DGKI: variants seen among roughly 807,000 people sequenced by gnomAD.
The protein encoded by DGKI is diacylglycerol kinase iota.
In DGKI, 55 loss-of-function variants were observed where a neutral mutation model predicts 147.5. The observed-to-expected ratio is 0.37, with a 90% CI of 0.30 to 0.47. The LOEUF (loss-of-function observed/expected upper bound fraction) is 0.47. Among genes scored for constraint, DGKI ranks in the 20% least tolerant of loss-of-function variants. DGKI has a pLI of 1.00. For synonymous variants in DGKI, 469 were observed against 477.1 expected, an observed-to-expected ratio of 0.98 and a Z score of 0.22; for missense variants, 1,007 against 1,323.8, an observed-to-expected ratio of 0.76 and a Z score of 3.71.
At chr7:137,811,384 T>TCTCTCA (rs1380704608) in intron 1 of DGKI, among the ~76,000 whole-genome samples, 86 of 132,204 alleles carry the variant, frequency 6.5e-4, no homozygotes, top group Non-Finnish European at 1.2e-3. Flanking sequence ...TCTCTCTCTC[T>TCTCTCA]CACACACACA....
chr7:137,514,238 T>TA (rs1231600652), intron 21 of DGKI, among the ~76,000 whole-genome samples: 5 of 151,974 alleles, frequency 3.3e-5, no homozygotes, highest in African/African-American at 7.2e-5. Context: ...GCTGAAGAAT[T>TA]AAAAAAAATA....
At chr7:137,566,889 T>C (rs1006626534) in intron 19 of DGKI, among the ~76,000 whole-genome samples, 2 of 108,100 alleles carry the variant, frequency 1.9e-5, no homozygotes, top group African/African-American at 1.3e-4. Context: ...TGTATTTCTT[T>C]TGAGATATTC....
intron 30 of DGKI, among the ~76,000 whole-genome samples, chr7:137,404,933 T>G (rs1250162860): frequency 6.6e-6 from 1 of 152,174 alleles, no homozygotes; most frequent in Non-Finnish European, 1.5e-5. Context: ...GATGAATTGA[T>G]GCCAGGCAAA....
chr7:137,601,240 C>T (rs1046835708), intron 10 of DGKI, among the ~76,000 whole-genome samples: 9 of 151,420 alleles, frequency 5.9e-5, no homozygotes, highest in Non-Finnish European at 1.2e-4. Context: ...CACTACACTT[C>T]GGCCTGGGTG....
At chr7:137,420,677 T>A (rs559520123) in intron 28 of DGKI, among the ~76,000 whole-genome samples, 1 of 152,218 alleles carries the variant, frequency 6.6e-6, no homozygotes, top group East Asian at 1.9e-4. Context: ...CTTGTTAGAT[T>A]GAATTAAAAA....
intron 6 of DGKI, among the ~76,000 whole-genome samples, chr7:137,638,225 T>C (rs974296463): frequency 1.3e-5 from 2 of 151,992 alleles, no homozygotes; most frequent in Non-Finnish European, 2.9e-5. Flanking sequence ...ACTCATTTGC[T>C]GGTGGCTCTC....
At chr7:137,543,209 T>C (rs1323900124) in intron 20 of DGKI, among the ~76,000 whole-genome samples, 1 of 152,196 alleles carries the variant, frequency 6.6e-6, no homozygotes, top group Non-Finnish European at 1.5e-5. Flanking sequence ...ACATGTGTCT[T>C]CCAATGAGGA....
intron 1 of DGKI, among the ~76,000 whole-genome samples, chr7:137,740,761 A>G (rs1795152009): frequency 6.6e-6 from 1 of 152,246 alleles, no homozygotes; most frequent in African/African-American, 2.4e-5. Flanking sequence ...AATGCTCAGC[A>G]CATGACTATA....
chr7:137,778,604 A>G (rs1298821710), intron 1 of DGKI, among the ~76,000 whole-genome samples: 1 of 152,184 alleles, frequency 6.6e-6, no homozygotes, highest in African/African-American at 2.4e-5. Context: ...CAATTAAAAA[A>G]AAAAACTACT....
chr7:137,504,493 T>C (rs1017530287), intron 21 of DGKI, among the ~76,000 whole-genome samples: 1 of 152,170 alleles, frequency 6.6e-6, no homozygotes, highest in Admixed American at 6.6e-5. Context: ...GTTATCACCT[T>C]CTGAAAAGAA....
chr7:137,621,081 T>A (rs775320750), intron 7 of DGKI, among the ~76,000 whole-genome samples: 4 of 152,220 alleles, frequency 2.6e-5, no homozygotes, highest in Non-Finnish European at 5.9e-5. Flanking sequence ...TAGAGAGGTT[T>A]TTGTTTTCAT....
At chr7:137,632,123 T>C (rs1211376435) in intron 6 of DGKI, among the ~76,000 whole-genome samples, 2 of 152,208 alleles carry the variant, frequency 1.3e-5, no homozygotes, top group Non-Finnish European at 2.9e-5. Flanking sequence ...GGACTTGACC[T>C]AGAGAGCTAT....
chr7:137,570,666 A>G (rs1430672187), intron 19 of DGKI, among the ~76,000 whole-genome samples: 1 of 150,760 alleles, frequency 6.6e-6, no homozygotes, highest in African/African-American at 2.4e-5. Context: ...ATTTCAGCTC[A>G]CTGCAACCTT....
At chr7:137,634,551 G>A (rs1053927025) in intron 6 of DGKI, among the ~76,000 whole-genome samples, 3 of 152,158 alleles carry the variant, frequency 2.0e-5, no homozygotes, top group Non-Finnish European at 4.4e-5. Flanking sequence ...TCATAAGGTT[G>A]AGTGAGCCCA....
Position 137,451,669 on chromosome 7 carries a change from G to A in DGKI, c.2736-7567C>T, listed in dbSNP as rs540220452. On this transcript the variant is annotated intron_variant, in intron 27 of 32. Transcript: ENST00000614521. ...TAAACCTGGAAATGAAATAATGGGT[G>A]TCACGACTATTTCAGTCTTTATATC... Among the ~76,000 whole-genome samples, 211 of 152,308 alleles carry A rather than the reference G, an allele frequency of 1.4e-3. 1 individual carries two copies. Among genetic ancestry groups the A allele is most frequent in the African/African-American group, 4.9e-3 (203 of 41,576 alleles).
At chr7:137,692,002 A>G (rs1426086165) in intron 1 of DGKI, among the ~76,000 whole-genome samples, 2 of 152,094 alleles carry the variant, frequency 1.3e-5, no homozygotes, top group African/African-American at 4.8e-5. Flanking sequence ...GCCTTTAATG[A>G]TGACACAATA....
chr7:137,720,309 C>G lies in DGKI; in HGVS notation c.402-30307G>C, dbSNP rs572269841. 5.0e-4 allele frequency among the ~76,000 whole-genome samples: 65 copies of G among 129,646 alleles called. 1 individual carries two copies. The highest frequency in any genetic ancestry group is 2.2e-3 in the South Asian group (9 of 4,082). The allele number at this position is 129,646 out of a possible 152,430, so 85.1% of individuals were successfully genotyped here. A position where few individuals can be genotyped will look rare whatever the true frequency, so the allele number is the denominator to read the frequency against. ...GTCTCGCTCTTTCGCCCAGGCTGGACTGCAGTGGTGCGATCTCGGCTCACT... is the reference window on the plus strand; with the variant it reads ...GTCTCGCTCTTTCGCCCAGGCTGGAGTGCAGTGGTGCGATCTCGGCTCACT... On this transcript the variant is annotated intron_variant, in intron 1 of 32. Transcript: ENST00000614521.
intron 21 of DGKI, chr7:137,514,008 A>C (rs1287468104): frequency 6.2e-6 from 4 of 649,004 alleles, no homozygotes; most frequent in Non-Finnish European, 1.1e-5. Flanking sequence ...GGATGCTGGT[A>C]CAAGTTGTGG....
chr7:137,612,557 C>T (rs1051853681), intron 8 of DGKI, among the ~76,000 whole-genome samples: 1 of 152,034 alleles, frequency 6.6e-6, no homozygotes, highest in African/African-American at 2.4e-5. Flanking sequence ...GGTTTGAAGG[C>T]AGATTTTGTA....
Sources: allele counts gnomAD v4.1 joint callset (sites outside exome capture counted in the v4.1 genomes callset), GRCh38; gene constraint gnomAD v4.1.1; transcripts MANE v1.5; gene names NCBI Gene and HGNC (gene_info 2026-07-23, HGNC 2026-07-21).